Variants in RANBP9 observed in about 807,000 individuals in gnomAD.
RANBP9 encodes ran-binding protein 9.
In RANBP9, 15 loss-of-function variants were observed where a neutral mutation model predicts 84.3. That is an observed-to-expected ratio of 0.18 (90% CI 0.12 to 0.27). The LOEUF is 0.27. Ranked by LOEUF, RANBP9 falls within the 10% of genes least tolerant of loss-of-function variation. The probability of loss-of-function intolerance (pLI) is 1.00; values close to 1 mark genes in which losing one functional copy is unlikely to be tolerated. For synonymous variants in RANBP9, 392 were observed against 349.6 expected (o/e 1.12, Z -1.35); for missense variants, 809 against 912.8 (o/e 0.89, Z 1.46).
chr6:13,678,022 G>A (rs966105670), intron 2 of RANBP9, among the ~76,000 whole-genome samples: 9 of 152,150 alleles, frequency 5.9e-5, no homozygotes, highest in African/African-American at 1.9e-4. Context: ...AAGAAGCTGA[G>A]GTGGGAGGAT....
At chr6:13,672,685 A>C (rs930059218) in intron 2 of RANBP9, among the ~76,000 whole-genome samples, 15 of 152,180 alleles carry the variant, frequency 9.9e-5, no homozygotes, top group Non-Finnish European at 2.2e-4. Context: ...GAGACAAAGC[A>C]AGCATCGAAA....
intron 2 of RANBP9, 142 bp from the exon 3 acceptor site, chr6:13,658,974 A>C: frequency 1.4e-6 from 1 of 737,918 alleles, no homozygotes; most frequent in African/African-American, 1.7e-5. Context: ...ATTACAATTT[A>C]TTATGTAACA....
intron 2 of RANBP9, among the ~76,000 whole-genome samples, chr6:13,692,932 T>C (rs972432874): frequency 3.3e-5 from 5 of 152,256 alleles, no homozygotes; most frequent in African/African-American, 7.2e-5. Context: ...CATTTATTCA[T>C]ACCTTTAAAA....
At chr6:13,689,414 G>A (rs1431784067) in intron 2 of RANBP9, among the ~76,000 whole-genome samples, 1 of 151,932 alleles carries the variant, frequency 6.6e-6, no homozygotes, top group Admixed American at 6.6e-5. Context: ...GTGACTACAG[G>A]CATGTGCCAC....
intron 6 of RANBP9, 74 bp from the exon 7 acceptor site, chr6:13,642,665 A>C: frequency 9.7e-7 from 1 of 1,033,008 alleles, no homozygotes; most frequent in South Asian, 1.6e-5. Context: ...TTATATAAAC[A>C]AAATCTATTC....
chr6:13,642,001 G>C (rs943217109), intron 7 of RANBP9, among the ~76,000 whole-genome samples: 3 of 152,134 alleles, frequency 2.0e-5, no homozygotes, highest in Non-Finnish European at 4.4e-5. Flanking sequence ...CAGTTATGCT[G>C]ACTTGCCATT....
At chr6:13,688,974 C>A (rs1255298278) in intron 2 of RANBP9, among the ~76,000 whole-genome samples, 1 of 60,814 alleles carries the variant, frequency 1.6e-5, no homozygotes, top group Non-Finnish European at 3.4e-5. Context: ...TACCGAGACC[C>A]ATCTCCACAA....
intron 4 of RANBP9, 152 bp from the exon 5 acceptor site, chr6:13,652,833 T>C: frequency 1.6e-6 from 1 of 641,166 alleles, no homozygotes; most frequent in Non-Finnish European, 2.7e-6. Context: ...TTTTAATCAA[T>C]AATACTAACA....
At chr6:13,671,158 G>A (rs1765771228) in intron 2 of RANBP9, among the ~76,000 whole-genome samples, 1 of 152,162 alleles carries the variant, frequency 6.6e-6, no homozygotes, top group African/African-American at 2.4e-5. Context: ...GAATCAAGAA[G>A]ATATGTGTTG....
At chr6:13,638,828 T>C (rs1167674383) in intron 9 of RANBP9, among the ~76,000 whole-genome samples, 1 of 148,476 alleles carries the variant, frequency 6.7e-6, no homozygotes, top group Non-Finnish European at 1.5e-5. Flanking sequence ...AGCTGACTTT[T>C]GCAAGAGGCT....
intron 2 of RANBP9, among the ~76,000 whole-genome samples, chr6:13,687,480 CCTAT>C (rs1766217196): frequency 6.6e-6 from 1 of 151,444 alleles, no homozygotes; most frequent in African/African-American, 2.4e-5. Context: ...AAAGTGAGGC[CCTAT>C]CTCTTAAAAA....
rs573852934 is a variant in RANBP9 at position 13,653,856 on chromosome 6, C to T, written c.905-1175G>A. Among the ~76,000 whole-genome samples, 9 of 152,096 alleles carry T rather than the reference C, an allele frequency of 5.9e-5. No individual in the cohort carries two copies. The South Asian group carries it at 1.2e-3, about 21-fold the overall frequency. On this transcript the variant is annotated intron_variant, in intron 4 of 13. Coordinates refer to ENST00000011619, the MANE Select transcript of RANBP9 (RefSeq NM_005493.3). The stretch of plus-strand genomic sequence containing the variant: ...AAAGTTAGGGTTCCTGTTTTCCCCA[C>T]GTAAAACATTATCATTACATTTAAC...
intron 13 of RANBP9, among the ~76,000 whole-genome samples, chr6:13,623,646 T>A (rs1000324763): frequency 2.6e-5 from 4 of 152,220 alleles, no homozygotes; most frequent in Non-Finnish European, 2.9e-5. Flanking sequence ...CATCTGGCGA[T>A]GCATCTTTAA....
chr6:13,623,566 A>G (rs1764518252), intron 13 of RANBP9, among the ~76,000 whole-genome samples: 1 of 152,220 alleles, frequency 6.6e-6, no homozygotes, highest in Non-Finnish European at 1.5e-5. Flanking sequence ...GAGGGTTCAC[A>G]GGGAAGACCG....
In RANBP9 at chr6:13,711,703, G is replaced by T; in HGVS notation, c.-198C>A. On this transcript the variant is annotated 5_prime_UTR_variant, in exon 1 of 14. Coordinates refer to ENST00000011619, the MANE Select transcript of RANBP9 (RefSeq NM_005493.3). Reference sequence around the variant, plus strand: ...GCGGGAGTAGGCGGCGGGCCCGGGAGGCCGGGAGAGAACGTTGGCCGGAGC... The same window carrying T: ...GCGGGAGTAGGCGGCGGGCCCGGGATGCCGGGAGAGAACGTTGGCCGGAGC... The T allele has an allele frequency of 3.0e-6, 1 of 330,892 alleles. No homozygotes were observed. The highest frequency in any genetic ancestry group is 5.1e-6 in the Non-Finnish European group (1 of 196,654). The allele number at this position is 330,892 out of a possible 1,614,324, so 20.5% of individuals were successfully genotyped here.
At position 13,625,768 on chromosome 6, in the gene RANBP9, T is replaced by C; in HGVS notation, c.1948-4A>G. On this transcript the variant is annotated splice_polypyrimidine_tract_variant and splice_region_variant and intron_variant, in intron 12 of 13. Transcript: ENST00000011619. ...ATGCTAGTAGACTGAATGCATCCTG[T>C]TGAAAACACATCGATTTGGTTTTAA... The C allele has an allele frequency of 1.3e-6, 2 of 1,568,144 alleles. No individual in the cohort carries two copies. Among genetic ancestry groups the C allele is most frequent in the Non-Finnish European group, 1.8e-6 (2 of 1,138,488 alleles).
chr6:13,672,034 T>A (rs1389355956), intron 2 of RANBP9, among the ~76,000 whole-genome samples: 2 of 152,160 alleles, frequency 1.3e-5, no homozygotes, highest in African/African-American at 4.8e-5. Flanking sequence ...ACTTTAAAAG[T>A]AAGTAGCAAA....
intron 1 of RANBP9, among the ~76,000 whole-genome samples, chr6:13,701,879 T>C (rs1757981932): frequency 6.6e-6 from 1 of 152,096 alleles, no homozygotes; most frequent in African/African-American, 2.4e-5. Flanking sequence ...AGTCTTCACC[T>C]CTTCCACTAT....
At chr6:13,703,193 G>T (rs144192597) in intron 1 of RANBP9, among the ~76,000 whole-genome samples, 2 of 152,152 alleles carry the variant, frequency 1.3e-5, no homozygotes, top group African/African-American at 4.8e-5. Flanking sequence ...CAGCTTCTGT[G>T]ACACCAATCT....
Sources: gnomAD v4.1 joint callset for allele counts (sites outside exome capture counted in the v4.1 genomes callset) on GRCh38, gnomAD v4.1.1 for gene constraint, MANE v1.5 for transcripts, NCBI Gene and HGNC (gene_info 2026-07-23, HGNC 2026-07-21) for gene names.